ST3GAL1: variants seen among roughly 807,000 people sequenced by gnomAD.
The protein encoded by ST3GAL1 is CMP-N-acetylneuraminate-beta-galactosamide-alpha-2,3-sialyltransferase 1.
Under a neutral mutation model 34.1 loss-of-function variants are expected in ST3GAL1, and 16 were observed. The ratio of observed to expected loss-of-function variants is 0.47; its 90% confidence interval spans 0.32 to 0.71. The LOEUF is 0.71. ST3GAL1 is among the 30% of genes least tolerant of loss of function. ST3GAL1 has a pLI of 0.04. For synonymous variants in ST3GAL1, 191 were observed against 184.7 expected (o/e 1.03, Z -0.28); for missense variants, 353 against 447.4 (o/e 0.79, Z 1.90).
intron 1 of ST3GAL1, among the ~76,000 whole-genome samples, chr8:133,560,254 T>A (rs1373618496): frequency 6.6e-6 from 1 of 151,574 alleles, no homozygotes; most frequent in East Asian, 1.9e-4. Context: ...TATGTGTCAG[T>A]TTTACTAAAA....
intron 2 of ST3GAL1, among the ~76,000 whole-genome samples, chr8:133,520,082 C>T (rs1056010685): frequency 1.3e-5 from 2 of 152,198 alleles, no homozygotes; most frequent in South Asian, 2.1e-4. Flanking sequence ...TTTCAGCCCA[C>T]GCATATTTAC....
intron 2 of ST3GAL1, among the ~76,000 whole-genome samples, chr8:133,509,764 T>C (rs1443732684): frequency 6.6e-6 from 1 of 151,974 alleles, no homozygotes; most frequent in Non-Finnish European, 1.5e-5. Flanking sequence ...CCAGCAAAAA[T>C]TAGTGAAGGA....
At position 133,540,750 on chromosome 8, in the gene ST3GAL1, T is replaced by TATATATATAGAC. The variant is rs1335065937; in HGVS notation, c.-429+5023_-429+5024insGTCTATATATAT. 3.5e-4 allele frequency among the ~76,000 whole-genome samples: 29 copies of TATATATATAGAC among 83,656 alleles called. 1 individual carries two copies. The highest frequency in any genetic ancestry group is 7.0e-4 in the Admixed American group (6 of 8,580). The allele number at this position is 83,656 out of a possible 152,430, so 54.9% of individuals were successfully genotyped here. A position where few individuals can be genotyped will look rare whatever the true frequency, so the allele number is the denominator to read the frequency against. ...AGACATATATATATATATAGACATA[T>TATATATATAGAC]ATATATATATAGACATATATATATA... is the stretch of plus-strand genomic sequence containing the variant. On this transcript the variant is annotated intron_variant, in intron 2 of 9. Transcript: ENST00000522652.
chr8:133,551,568 A>C lies in ST3GAL1; in HGVS notation c.-581-5642T>G, dbSNP rs570635609. Among the ~76,000 whole-genome samples the C allele has an allele frequency of 6.3e-4, 93 of 148,406 alleles. 1 individual carries two copies. The highest frequency in any genetic ancestry group is 3.5e-3 in the Middle Eastern group (1 of 288). On this transcript the variant is annotated intron_variant, in intron 1 of 9. Transcript: ENST00000522652. ...AAAGAAAGAAAGAAAGAAAGAAAGA[A>C]AGAAAGAAAGAAAGAAAGAAAGAAA...
At chr8:133,493,708 T>C (rs1816853808) in intron 3 of ST3GAL1, among the ~76,000 whole-genome samples, 1 of 152,156 alleles carries the variant, frequency 6.6e-6, no homozygotes, top group South Asian at 2.1e-4. Flanking sequence ...TAGCCAGGCA[T>C]GGTGGCATGT....
chr8:133,463,726 G>C (rs1313302055), intron 7 of ST3GAL1, among the ~76,000 whole-genome samples: 2 of 152,200 alleles, frequency 1.3e-5, no homozygotes, highest in African/African-American at 2.4e-5. Context: ...AGGAGGACTT[G>C]CTCCAAGCAC....
chr8:133,546,468 G>T lies in ST3GAL1; in HGVS notation c.-581-542C>A, dbSNP rs1048405805. Among the ~76,000 whole-genome samples the T allele has an allele frequency of 8.0e-5, 10 of 124,682 alleles. 1 individual carries two copies. Among genetic ancestry groups the T allele is most frequent in the African/African-American group, 3.1e-4 (9 of 29,002 alleles). The allele number at this position is 124,682 out of a possible 152,430, so 81.8% of individuals were successfully genotyped here. On this transcript the variant is annotated intron_variant, in intron 1 of 9. Coordinates refer to ENST00000522652, the MANE Select transcript of ST3GAL1 (RefSeq NM_173344.3). Reference sequence around the variant, plus strand: ...ACTGCACTCCAGCCAGGGACAGAGAGAGACTCCGTCAAAAAAAAAAAAAAA... The same window carrying T: ...ACTGCACTCCAGCCAGGGACAGAGATAGACTCCGTCAAAAAAAAAAAAAAA...
At chr8:133,551,582 G>C (rs957760664) in intron 1 of ST3GAL1, among the ~76,000 whole-genome samples, 2 of 149,722 alleles carry the variant, frequency 1.3e-5, no homozygotes, top group African/African-American at 5.0e-5. Context: ...AAGAAAGAAA[G>C]AAAGAAAGAA....
intron 1 of ST3GAL1, chr8:133,567,266 G>C (rs1170004051): frequency 6.6e-6 from 1 of 152,188 alleles, no homozygotes; most frequent in Non-Finnish European, 1.5e-5. Flanking sequence ...GGACAGCAAG[G>C]AACAAGGACC....
chr8:133,482,759 G>A (rs1348603656), intron 3 of ST3GAL1, among the ~76,000 whole-genome samples: 1 of 152,220 alleles, frequency 6.6e-6, no homozygotes, highest in Non-Finnish European at 1.5e-5. Flanking sequence ...GTAAATCTTG[G>A]ATACTTAATG....
At chr8:133,485,731 C>A (rs981585537) in intron 3 of ST3GAL1, among the ~76,000 whole-genome samples, 1 of 151,766 alleles carries the variant, frequency 6.6e-6, no homozygotes, top group African/African-American at 2.4e-5. Flanking sequence ...CTTCCCATTC[C>A]CAGGGGCAGG....
At chr8:133,523,942 T>G (rs1047844620) in intron 2 of ST3GAL1, among the ~76,000 whole-genome samples, 1 of 152,170 alleles carries the variant, frequency 6.6e-6, no homozygotes, top group Non-Finnish European at 1.5e-5. Flanking sequence ...CTGACCTCCA[T>G]TATGAGAAAA....
At chr8:133,557,966 G>C (rs1244912852) in intron 1 of ST3GAL1, among the ~76,000 whole-genome samples, 2 of 151,352 alleles carry the variant, frequency 1.3e-5, no homozygotes, top group African/African-American at 4.9e-5. Flanking sequence ...TAAAATCTTA[G>C]GTATGTCTCT....
At chr8:133,532,929 C>T (rs766635913) in intron 2 of ST3GAL1, among the ~76,000 whole-genome samples, 1 of 152,096 alleles carries the variant, frequency 6.6e-6, no homozygotes, top group Non-Finnish European at 1.5e-5. Flanking sequence ...TTCACTCCTT[C>T]TCTCACTCTT....
chr8:133,539,382 C>T (rs1818400758), intron 2 of ST3GAL1, among the ~76,000 whole-genome samples: 1 of 152,182 alleles, frequency 6.6e-6, no homozygotes, highest in African/African-American at 2.4e-5. Context: ...CACTGCAGCT[C>T]ACAAAGCGGG....
intron 2 of ST3GAL1, among the ~76,000 whole-genome samples, chr8:133,514,523 AC>A (rs941191404): frequency 2.6e-5 from 4 of 152,092 alleles, no homozygotes; most frequent in African/African-American, 9.7e-5. Context: ...CTCCCATCTT[AC>A]AGCCGCCAGT....
chr8:133,501,819 C>T (rs974294003), intron 2 of ST3GAL1, among the ~76,000 whole-genome samples: 7 of 152,090 alleles, frequency 4.6e-5, no homozygotes, highest in Admixed American at 1.3e-4. Context: ...CTACCCAATA[C>T]GTAGGAATAG....
Position 133,456,299 on chromosome 8 carries a change from G to T in ST3GAL1, c.*3465C>A, listed in dbSNP as rs1281210796. On this transcript the variant is annotated 3_prime_UTR_variant, in exon 10 of 10. Transcript: ENST00000522652. ...CCTGACTCACTGGGGAGACCCAGGGGGTTGGGATGTTGCTGACACCTCATG... is the reference window on the plus strand; with the variant it reads ...CCTGACTCACTGGGGAGACCCAGGGTGTTGGGATGTTGCTGACACCTCATG... 1 of 152,218 alleles carries T rather than the reference G, an allele frequency of 6.6e-6. No individual in the cohort carries two copies. Among genetic ancestry groups the T allele is most frequent in the African/African-American group, 2.4e-5 (1 of 41,450 alleles). 9.4% of individuals were successfully genotyped at this position (152,218 alleles called of 1,614,324 possible). A position where few individuals can be genotyped will look rare whatever the true frequency, so the allele number is the denominator to read the frequency against.
chr8:133,547,936 G>A (rs968188709), intron 1 of ST3GAL1, among the ~76,000 whole-genome samples: 1 of 152,184 alleles, frequency 6.6e-6, no homozygotes, highest in African/African-American at 2.4e-5. Context: ...CTTTTAGAGG[G>A]AGAGACAACA....
Sources: allele counts gnomAD v4.1 joint callset (sites outside exome capture counted in the v4.1 genomes callset), GRCh38; gene constraint gnomAD v4.1.1; transcripts MANE v1.5; gene names NCBI Gene and HGNC (gene_info 2026-07-23, HGNC 2026-07-21).